Variants in RYR2 observed in about 807,000 individuals in gnomAD.
RYR2 encodes ryanodine receptor 2.
RYR2 carries 227 observed loss-of-function variants against 601.1 expected under a neutral mutation model. That is an observed-to-expected ratio of 0.38 (90% CI 0.34 to 0.42). The LOEUF (loss-of-function observed/expected upper bound fraction) is 0.42. Ranked by LOEUF, RYR2 falls within the 10% of genes least tolerant of loss-of-function variation. The pLI is 1.00. For missense variants in RYR2, 4,646 were observed against 6,156.5 expected (o/e 0.75, Z 8.21); for synonymous variants, 2,223 against 2,175.1 (o/e 1.02, Z -0.61).
chr1:237,052,040 C>G (rs971958267), intron 1 of RYR2, among the ~76,000 whole-genome samples: 2 of 152,186 alleles, frequency 1.3e-5, no homozygotes, highest in African/African-American at 4.8e-5. Flanking sequence ...GAACTGATTC[C>G]ATGAGATAGT....
At position 237,426,945 on chromosome 1, in the gene RYR2, G is replaced by A. The variant is rs1706224089; in HGVS notation, c.1005+3697G>A. The stretch of plus-strand genomic sequence containing the variant: ...TCTAACGAAAATTGGAGGAAAAAGA[G>A]GAAGAGTGAAAGGTACGGTAGGTGC... On this transcript the variant is annotated intron_variant, in intron 12 of 104. Transcript: ENST00000366574. 7.2e-5 allele frequency among the ~76,000 whole-genome samples: 11 copies of A among 152,148 alleles called. 1 individual carries two copies. The highest frequency in any genetic ancestry group is 7.2e-4 in the Admixed American group (11 of 15,272).
intron 4 of RYR2, among the ~76,000 whole-genome samples, chr1:237,358,859 G>A (rs1359616955): frequency 2.0e-5 from 3 of 152,062 alleles, no homozygotes; most frequent in Non-Finnish European, 4.4e-5. Context: ...AGCTTGGGAG[G>A]CAGGCAGGAT....
chr1:237,512,408 A>G (rs1397089782), intron 24 of RYR2, among the ~76,000 whole-genome samples: 1 of 152,202 alleles, frequency 6.6e-6, no homozygotes, highest in Non-Finnish European at 1.5e-5. Flanking sequence ...GCTAAATTCA[A>G]AGAGTTGAAT....
chr1:237,320,750 A>G (rs982482925), intron 2 of RYR2, among the ~76,000 whole-genome samples: 3 of 152,184 alleles, frequency 2.0e-5, no homozygotes, highest in Admixed American at 2.0e-4. Flanking sequence ...TCTGTATTTA[A>G]ATATATCTAC....
intron 33 of RYR2, 114 bp from the exon 34 acceptor site, chr1:237,595,384 A>G (rs953001451): frequency 7.9e-7 from 1 of 1,263,050 alleles, no homozygotes; most frequent in African/African-American, 1.5e-5. Context: ...CACCTCTCCC[A>G]TTACAGCATG....
intron 43 of RYR2, 69 bp from the exon 44 acceptor site, chr1:237,634,820 A>T (rs1271410139): frequency 8.6e-7 from 1 of 1,156,650 alleles, no homozygotes; most frequent in East Asian, 2.6e-5. Context: ...AAGAGGTAGT[A>T]TATTTTTGTA....
intron 14 of RYR2, among the ~76,000 whole-genome samples, chr1:237,445,880 A>C (rs867986707): frequency 6.6e-6 from 1 of 152,004 alleles, no homozygotes. Flanking sequence ...GCAGTGGTGC[A>C]GTCTCGGCTC....
At chr1:237,237,407 C>T (rs1685659950) in intron 1 of RYR2, among the ~76,000 whole-genome samples, 1 of 152,096 alleles carries the variant, frequency 6.6e-6, no homozygotes, top group Non-Finnish European at 1.5e-5. Flanking sequence ...TCGCTCTAGG[C>T]CAGAGGACCC....
At chr1:237,791,968 C>T in intron 93 of RYR2, 137 bp from the exon 94 acceptor site, 2 of 641,476 alleles carry the variant, frequency 3.1e-6, no homozygotes, top group South Asian at 2.1e-5. Flanking sequence ...CGTTTTTAGC[C>T]TTTGCTATTA....
At chr1:237,086,634 A>C (rs915043744) in intron 1 of RYR2, among the ~76,000 whole-genome samples, 1 of 152,138 alleles carries the variant, frequency 6.6e-6, no homozygotes, top group Non-Finnish European at 1.5e-5. Context: ...TAACTAATCC[A>C]AGCCAGGGCT....
At chr1:237,102,259 C>T (rs936685062) in intron 1 of RYR2, among the ~76,000 whole-genome samples, 6 of 152,146 alleles carry the variant, frequency 3.9e-5, no homozygotes, top group African/African-American at 1.2e-4. Context: ...ATCAGTCTGC[C>T]TGGAGTTGAG....
chr1:237,389,407 T>C (rs1702198840), intron 10 of RYR2, among the ~76,000 whole-genome samples: 1 of 152,090 alleles, frequency 6.6e-6, no homozygotes, highest in Non-Finnish European at 1.5e-5. Context: ...GGAAGGGATG[T>C]GGGGATCAGA....
At chr1:237,171,014 C>T (rs1205241541) in intron 1 of RYR2, among the ~76,000 whole-genome samples, 1 of 151,942 alleles carries the variant, frequency 6.6e-6, no homozygotes, top group African/African-American at 2.4e-5. Flanking sequence ...AGATTCTCCC[C>T]ATGAGGTCGG....
chr1:237,434,919 G>A (rs759954909), intron 12 of RYR2, among the ~76,000 whole-genome samples: 1 of 152,002 alleles, frequency 6.6e-6, no homozygotes. Context: ...GGGACTATAG[G>A]CATGCACCAT....
In RYR2 at chr1:237,208,968, A is replaced by G. The variant is rs373465981; in HGVS notation, c.49-61529A>G. 3.1e-3 allele frequency among the ~76,000 whole-genome samples: 275 copies of G among 88,772 alleles called. 11 individuals are homozygous for G. Among genetic ancestry groups the G allele is most frequent in the South Asian group, 8.6e-3 (18 of 2,098 alleles). The allele number at this position is 88,772 out of a possible 152,430, so 58.2% of individuals were successfully genotyped here. On this transcript the variant is annotated intron_variant, in intron 1 of 104. Transcript: ENST00000366574. ...TATATATATATATATATATATATAT[A>G]TATATATATATATATATGTATACTG... is the stretch of plus-strand genomic sequence containing the variant.
At chr1:237,170,469 G>C (rs1180431250) in intron 1 of RYR2, among the ~76,000 whole-genome samples, 1 of 152,196 alleles carries the variant, frequency 6.6e-6, no homozygotes, top group African/African-American at 2.4e-5. Flanking sequence ...GTCTCTGCCA[G>C]GTGGTCTGGG....
chr1:237,725,669 A>G (rs918217312), intron 74 of RYR2, among the ~76,000 whole-genome samples: 3 of 152,136 alleles, frequency 2.0e-5, no homozygotes, highest in African/African-American at 4.8e-5. Flanking sequence ...TATCTCACAG[A>G]TAACTATTTA....
chr1:237,601,154 T>C (rs1476994038), intron 34 of RYR2, among the ~76,000 whole-genome samples: 1 of 152,116 alleles, frequency 6.6e-6, no homozygotes, highest in Non-Finnish European at 1.5e-5. Flanking sequence ...ACAGCACTAC[T>C]CACAATAGCC....
intron 47 of RYR2, among the ~76,000 whole-genome samples, chr1:237,641,461 G>GTGTCTGTC (rs201068110): frequency 5.7e-4 from 47 of 82,456 alleles, no homozygotes; most frequent in African/African-American, 1.8e-3. Flanking sequence ...ATATAAATTA[G>GTGTCTGTC]TGTCTGTCTG....
Sources: allele counts gnomAD v4.1 joint callset (sites outside exome capture counted in the v4.1 genomes callset), GRCh38; gene constraint gnomAD v4.1.1; transcripts MANE v1.5; gene names NCBI Gene and HGNC (gene_info 2026-07-23, HGNC 2026-07-21).